The following COL5A2 variants were observed in gnomAD, a reference collection of about 807,000 sequenced individuals.
COL5A2 encodes collagen alpha-2(V) chain.
COL5A2 carries 23 observed loss-of-function variants against 208.2 expected under a neutral mutation model. That is an observed-to-expected ratio of 0.11 (90% CI 0.08 to 0.16). The LOEUF (loss-of-function observed/expected upper bound fraction) is 0.16, where lower values mean the gene tolerates loss of function less well. COL5A2 is among the 10% of genes least tolerant of loss of function. The pLI, the probability that COL5A2 is intolerant of heterozygous loss-of-function variation, is 1.00. For synonymous variants in COL5A2, 625 were observed against 628.5 expected (o/e 0.99, Z 0.08); for missense variants, 1,590 against 1,956.4 (o/e 0.81, Z 3.53).
intron 52 of COL5A2, 124 bp from the exon 53 acceptor site, chr2:189,035,279 C>A: frequency 1.5e-6 from 2 of 1,292,332 alleles, no homozygotes; most frequent in Non-Finnish European, 2.2e-6. Flanking sequence ...TACTTTAATT[C>A]TTGTCATAAA....
the COL5A2 span, among the ~76,000 whole-genome samples, chr2:189,296,938 C>A: frequency 6.6e-6 from 1 of 152,106 alleles, no homozygotes; most frequent in African/African-American, 2.4e-5. Context: ...TGGATTCTGC[C>A]ACCAATTTCT....
At chr2:189,393,419 AAT>A in the COL5A2 span, among the ~76,000 whole-genome samples, 1 of 152,124 alleles carries the variant, frequency 6.6e-6, no homozygotes, top group African/African-American at 2.4e-5. Flanking sequence ...TTCTTTTTTT[AAT>A]ATGTTTTTCA....
At chr2:189,431,665 C>T in the COL5A2 span, among the ~76,000 whole-genome samples, 72 of 152,082 alleles carry the variant, frequency 4.7e-4, no homozygotes, top group Admixed American at 1.5e-3. Context: ...TAAAAAGAAA[C>T]GAACAAAGCC....
the COL5A2 span, among the ~76,000 whole-genome samples, chr2:189,255,913 GA>G: frequency 6.6e-6 from 1 of 152,146 alleles, no homozygotes; most frequent in Non-Finnish European, 1.5e-5. Context: ...GAAAAGAGAT[GA>G]AGAATCTTCT....
chr2:189,110,291 C>T lies in COL5A2; in HGVS notation c.256G>A (p.Val86Ile), dbSNP rs1387694873. 2 of 1,614,138 alleles carry T rather than the reference C, an allele frequency of 1.2e-6. No homozygotes were observed. Among genetic ancestry groups the T allele is most frequent in the South Asian group, 2.2e-5 (2 of 91,082 alleles). Residue 86 changes from valine to isoleucine, a missense_variant, in exon 2 of 54, where the codon GTA becomes ATA. Val to Ile is a conservative substitution (Grantham distance 29). Coordinates refer to ENST00000374866, the MANE Select transcript of COL5A2 (RefSeq NM_000393.5). The part of the protein sequence containing the change: ...CQDVLDCADP[V>I]TPPGECCPVC... ...GGACAGCATTCCCCAGGGGGCGTTA[C>T]AGGGTCGGCACAGTCCAGCACATCC... is the stretch of plus-strand genomic sequence containing the variant.
the COL5A2 span, among the ~76,000 whole-genome samples, chr2:189,232,562 A>C: frequency 6.6e-6 from 1 of 151,744 alleles, no homozygotes; most frequent in Non-Finnish European, 1.5e-5. Flanking sequence ...GTTTTTCTGG[A>C]ATATGTTTCT....
At chr2:189,343,889 A>C in the COL5A2 span, among the ~76,000 whole-genome samples, 2 of 152,200 alleles carry the variant, frequency 1.3e-5, no homozygotes, top group African/African-American at 4.8e-5. Context: ...AGAAGAGACA[A>C]ATATAAAACG....
chr2:189,306,305 C>T, the COL5A2 span, among the ~76,000 whole-genome samples: 1 of 152,144 alleles, frequency 6.6e-6, no homozygotes, highest in Admixed American at 6.5e-5. Flanking sequence ...AGAGCACTCC[C>T]CATGGAGTTG....
chr2:189,436,083 A>G, the COL5A2 span, among the ~76,000 whole-genome samples: 4 of 152,192 alleles, frequency 2.6e-5, no homozygotes, highest in African/African-American at 9.7e-5. Flanking sequence ...CAGGATAAAA[A>G]ACCAAACACC....
At chr2:189,401,933 T>G in the COL5A2 span, among the ~76,000 whole-genome samples, 1 of 152,172 alleles carries the variant, frequency 6.6e-6, no homozygotes, top group Non-Finnish European at 1.5e-5. Flanking sequence ...TCTTGTAAAT[T>G]TGTTTAAATT....
At chr2:189,088,868 A>T in intron 7 of COL5A2, 96 bp from the exon 8 acceptor site, 1 of 951,352 alleles carries the variant, frequency 1.1e-6, no homozygotes, top group Non-Finnish European at 1.7e-6. Flanking sequence ...GAATTCTTAT[A>T]GAATGACTCT....
chr2:189,059,685 C>T lies in COL5A2; in HGVS notation c.2086-792G>A, dbSNP rs572232569. ...GATCTTGGCTCACTGCAACCTCCAC[C>T]TCCTGGATTAAAGTGATTCTCCTGC... On this transcript the variant is annotated intron_variant, in intron 31 of 53. Coordinates refer to ENST00000374866, the MANE Select transcript of COL5A2 (RefSeq NM_000393.5). 2.6e-3 allele frequency among the ~76,000 whole-genome samples: 378 copies of T among 144,402 alleles called. 2 individuals are homozygous for T. Among genetic ancestry groups the T allele is most frequent in the African/African-American group, 9.2e-3 (364 of 39,704 alleles). 94.7% of individuals were successfully genotyped at this position (144,402 alleles called of 152,430 possible). A position where few individuals can be genotyped will look rare whatever the true frequency, so the allele number is the denominator to read the frequency against.
intron 26 of COL5A2, 126 bp from the exon 27 acceptor site, chr2:189,063,396 A>G: frequency 1.2e-6 from 1 of 816,052 alleles, no homozygotes; most frequent in Non-Finnish European, 2.1e-6. Flanking sequence ...TTTTCATGTT[A>G]AAGAATCAGG....
the COL5A2 span, among the ~76,000 whole-genome samples, chr2:189,247,648 C>A: frequency 2.7e-5 from 4 of 150,748 alleles, no homozygotes; most frequent in Non-Finnish European, 5.9e-5. Context: ...GGCATGATCT[C>A]AGCTCACTGC....
At chr2:189,175,453 A>C (rs1326910062) in intron 1 of COL5A2, among the ~76,000 whole-genome samples, 2 of 152,124 alleles carry the variant, frequency 1.3e-5, no homozygotes, top group Non-Finnish European at 2.9e-5. Flanking sequence ...GAGAGGTAGA[A>C]AAAACCTCAG....
At chr2:189,368,227 G>A in the COL5A2 span, among the ~76,000 whole-genome samples, 1 of 152,134 alleles carries the variant, frequency 6.6e-6, no homozygotes, top group South Asian at 2.1e-4. Context: ...GTATAACTGT[G>A]TTATTGTATT....
chr2:189,280,936 C>T, the COL5A2 span, among the ~76,000 whole-genome samples: 1 of 151,818 alleles, frequency 6.6e-6, no homozygotes. Context: ...AATATTAGGT[C>T]AGTGCAAAAG....
the COL5A2 span, among the ~76,000 whole-genome samples, chr2:189,422,946 C>A: frequency 2.0e-5 from 3 of 151,214 alleles, no homozygotes; most frequent in East Asian, 5.8e-4. Context: ...TTGCTTGAAC[C>A]TGGGAGGCGG....
chr2:189,375,724 T>A, the COL5A2 span, among the ~76,000 whole-genome samples: 2 of 152,190 alleles, frequency 1.3e-5, no homozygotes, highest in South Asian at 4.1e-4. Context: ...GAAATACAAC[T>A]TAATAAAAAT....
Sources: allele counts gnomAD v4.1 joint callset (sites outside exome capture counted in the v4.1 genomes callset), GRCh38; gene constraint gnomAD v4.1.1; transcripts MANE v1.5; gene names NCBI Gene and HGNC (gene_info 2026-07-23, HGNC 2026-07-21).